The following DIAPH3 variants were observed in gnomAD, a reference collection of about 807,000 sequenced individuals.
The protein encoded by DIAPH3 is protein diaphanous homolog 3.
Under a neutral mutation model 144.3 loss-of-function variants are expected in DIAPH3, and 117 were observed. The observed-to-expected ratio is 0.81, with a 90% CI of 0.70 to 0.95. The LOEUF is 0.95. Among genes scored for constraint, DIAPH3 ranks in the 40% least tolerant of loss-of-function variants. DIAPH3 has a pLI of 0.00. For missense variants in DIAPH3, 1,421 were observed against 1,412.7 expected, an observed-to-expected ratio of 1.01 and a Z score of -0.09; for synonymous variants, 519 against 488.9, an observed-to-expected ratio of 1.06 and a Z score of -0.81.
intron 24 of DIAPH3, among the ~76,000 whole-genome samples, chr13:59,831,765 G>A (rs1593591655): frequency 6.6e-6 from 1 of 151,864 alleles, no homozygotes; most frequent in Non-Finnish European, 1.5e-5. Context: ...CCAGTCAGGG[G>A]CCAGTGTTCT....
chr13:59,935,351 C>T (rs2048214902), intron 17 of DIAPH3, among the ~76,000 whole-genome samples: 1 of 152,138 alleles, frequency 6.6e-6, no homozygotes, highest in South Asian at 2.1e-4. Context: ...TAGTGGGTAA[C>T]TTTGCTTTGG....
At chr13:59,990,427 A>G (rs1048791098) in intron 12 of DIAPH3, among the ~76,000 whole-genome samples, 7 of 151,938 alleles carry the variant, frequency 4.6e-5, no homozygotes, top group Non-Finnish European at 8.8e-5. Context: ...CAGCAAACCT[A>G]AATTGGTGGC....
intron 20 of DIAPH3, among the ~76,000 whole-genome samples, chr13:59,895,357 G>C (rs2046024168): frequency 6.7e-6 from 1 of 150,198 alleles, no homozygotes; most frequent in Non-Finnish European, 1.5e-5. Flanking sequence ...TGGCATCCTT[G>C]GAAAAGAAAG....
chr13:59,747,007 A>G (rs1286529788), intron 27 of DIAPH3, among the ~76,000 whole-genome samples: 4 of 152,218 alleles, frequency 2.6e-5, no homozygotes, highest in Non-Finnish European at 5.9e-5. Context: ...AATTACTTGG[A>G]AACATTCATT....
At chr13:60,141,628 T>C (rs2059426805) in intron 1 of DIAPH3, among the ~76,000 whole-genome samples, 2 of 152,230 alleles carry the variant, frequency 1.3e-5, no homozygotes, top group African/African-American at 4.8e-5. Flanking sequence ...GAATGAAAGA[T>C]TCCTAAAACA....
intron 3 of DIAPH3, among the ~76,000 whole-genome samples, chr13:60,103,244 TGA>T (rs1199163990): frequency 6.6e-6 from 1 of 151,610 alleles, no homozygotes; most frequent in Non-Finnish European, 1.5e-5. Flanking sequence ...AGAACAGCAA[TGA>T]GAGAGTGGAC....
rs1471743227 is a variant in DIAPH3, at chr13:59,665,852, G to T, written c.*732C>A. On this transcript the variant is annotated 3_prime_UTR_variant, in exon 28 of 28. Transcript: ENST00000400324. ...TTACAAGGGGAAAAATACTCTCTTA[G>T]CCAAGATCAAGAATTTCGGCAGCAC... 6.6e-6 allele frequency: 1 copy of T among 152,488 alleles called. No homozygotes were observed. Among genetic ancestry groups the T allele is most frequent in the Non-Finnish European group, 1.5e-5 (1 of 68,032 alleles). The allele number at this position is 152,488 out of a possible 1,614,324, so 9.4% of individuals were successfully genotyped here. A position where few individuals can be genotyped will look rare whatever the true frequency, so the allele number is the denominator to read the frequency against.
intron 21 of DIAPH3, among the ~76,000 whole-genome samples, chr13:59,864,871 A>T (rs942913591): frequency 1.3e-5 from 2 of 152,038 alleles, no homozygotes; most frequent in South Asian, 4.1e-4. Context: ...TGAATAGTAA[A>T]GGGAAGCACA....
In DIAPH3 at chr13:60,163,582, C is replaced by T. The variant is rs753684180; in HGVS notation, c.180+5G>A. 6.3e-7 allele frequency: 1 copy of T among 1,582,328 alleles called. No homozygotes were observed. Among genetic ancestry groups the T allele is most frequent in the Non-Finnish European group, 8.6e-7 (1 of 1,160,116 alleles). ...GGCCCCACCCTAGCTCCAGGCGATA[C>T]TCACAAACTTGGGGCGCTTCTCCCC... On this transcript the variant is annotated splice_donor_5th_base_variant and intron_variant, in intron 1 of 27. Coordinates refer to ENST00000400324, the MANE Select transcript of DIAPH3 (RefSeq NM_001042517.2).
chr13:59,881,907 A>G (rs935735138), intron 20 of DIAPH3, among the ~76,000 whole-genome samples: 9 of 152,298 alleles, frequency 5.9e-5, no homozygotes, highest in South Asian at 2.1e-4. Context: ...TTTAATAAAT[A>G]AAATTATTGA....
chr13:60,142,232 A>G (rs556490405), intron 1 of DIAPH3, among the ~76,000 whole-genome samples: 1 of 152,358 alleles, frequency 6.6e-6, no homozygotes, highest in Admixed American at 6.5e-5. Context: ...TATTATACAA[A>G]TTACTGAAGG....
chr13:60,073,041 G>A (rs1057134347), intron 4 of DIAPH3, among the ~76,000 whole-genome samples: 1 of 152,132 alleles, frequency 6.6e-6, no homozygotes, highest in African/African-American at 2.4e-5. Flanking sequence ...GGGCACAGTG[G>A]CTCACACCTG....
chr13:60,011,198 TACA>T (rs2053238148), intron 7 of DIAPH3, among the ~76,000 whole-genome samples: 1 of 152,122 alleles, frequency 6.6e-6, no homozygotes, highest in Non-Finnish European at 1.5e-5. Flanking sequence ...AAGGTGATCT[TACA>T]ACAATACAGC....
intron 5 of DIAPH3, among the ~76,000 whole-genome samples, chr13:60,037,056 CCTCAATTGCAT>C (rs1416187707): frequency 9.8e-5 from 1 of 10,158 alleles, no homozygotes; most frequent in Non-Finnish European, 2.1e-4. Flanking sequence ...TATCTAAAAC[CCTCAATTGCAT>C]CTCAATTGCA....
intron 4 of DIAPH3, among the ~76,000 whole-genome samples, chr13:60,075,944 T>C (rs1354592076): frequency 2.0e-5 from 3 of 152,174 alleles, no homozygotes; most frequent in South Asian, 2.1e-4. Flanking sequence ...ACTAAAGAAA[T>C]AGCAGTCCAC....
chr13:59,956,370 C>G (rs529057234), intron 17 of DIAPH3, among the ~76,000 whole-genome samples: 5 of 152,298 alleles, frequency 3.3e-5, no homozygotes, highest in Admixed American at 1.3e-4. Flanking sequence ...TGTGTCCCAG[C>G]TGTAGCTAAA....
chr13:60,095,128 C>T (rs1047839776), intron 3 of DIAPH3, among the ~76,000 whole-genome samples: 1 of 152,074 alleles, frequency 6.6e-6, no homozygotes, highest in Non-Finnish European at 1.5e-5. Flanking sequence ...CCTTGTGCCC[C>T]ACAGAGAGAT....
At chr13:60,095,981 A>T (rs988949766) in intron 3 of DIAPH3, among the ~76,000 whole-genome samples, 13 of 152,220 alleles carry the variant, frequency 8.5e-5, no homozygotes, top group Non-Finnish European at 1.8e-4. Flanking sequence ...TGAAGCAGAG[A>T]TTCAAGAGTA....
intron 15 of DIAPH3, among the ~76,000 whole-genome samples, chr13:59,971,876 C>G (rs1370627549): frequency 2.6e-5 from 4 of 152,208 alleles, no homozygotes; most frequent in Non-Finnish European, 5.9e-5. Context: ...ACCTGACCAT[C>G]TCCTACTAGC....
Sources: allele counts gnomAD v4.1 joint callset (sites outside exome capture counted in the v4.1 genomes callset), GRCh38; gene constraint gnomAD v4.1.1; transcripts MANE v1.5; gene names NCBI Gene and HGNC (gene_info 2026-07-23, HGNC 2026-07-21).